TOPBP1: variants seen among roughly 807,000 people sequenced by gnomAD.
TOPBP1 encodes the protein DNA topoisomerase II binding protein 1, also known as DNA topoisomerase 2-binding protein 1.
Under a neutral mutation model 167.7 loss-of-function variants are expected in TOPBP1, and 28 were observed. That is an observed-to-expected ratio of 0.17 (90% CI 0.12 to 0.23). TOPBP1 has a LOEUF of 0.23. TOPBP1 is among the 10% of genes least tolerant of loss of function. The pLI is 1.00. For missense variants in TOPBP1, 1,554 were observed against 1,809.6 expected (o/e 0.86, Z 2.56); for synonymous variants, 598 against 611.4 (o/e 0.98, Z 0.32).
chr3:133,644,408 T>C (rs1350516976), intron 10 of TOPBP1, 45 bp from the exon 11 acceptor site: 3 of 1,455,132 alleles, frequency 2.1e-6, no homozygotes, highest in South Asian at 2.9e-5. Flanking sequence ...ATTTACCTTA[T>C]ACAGTTTACT....
Position 133,621,168 on chromosome 3 carries a change from C to T in TOPBP1, c.3179-821G>A, listed in dbSNP as rs541145763. Among the ~76,000 whole-genome samples, 14 of 152,180 alleles carry T rather than the reference C, an allele frequency of 9.2e-5. 1 individual carries two copies. Among genetic ancestry groups the T allele is most frequent in the Admixed American group, 2.0e-4 (3 of 15,290 alleles). ...CTGGCACTACAGGTGTACATTACCA[C>T]GCCCAGCTAATTTTTTAAATTTTTT... On this transcript the variant is annotated intron_variant, in intron 19 of 27. Coordinates refer to ENST00000260810, the MANE Select transcript of TOPBP1 (RefSeq NM_007027.4).
At chr3:133,646,314 A>T (rs1476621586) in intron 10 of TOPBP1, among the ~76,000 whole-genome samples, 1 of 152,134 alleles carries the variant, frequency 6.6e-6, no homozygotes, top group African/African-American at 2.4e-5. Context: ...TTAAGAAACT[A>T]ATCACCTGCC....
At position 133,638,443 on chromosome 3, in the gene TOPBP1, T is replaced by A. The variant is rs370808171; in HGVS notation, c.2234-281A>T. ...ACAAGCACATTAACTGAAAAAATAA[T>A]AATAGATTTCCTGTTTCATCTTGCT... On this transcript the variant is annotated intron_variant, in intron 13 of 27. Coordinates refer to ENST00000260810, the MANE Select transcript of TOPBP1 (RefSeq NM_007027.4). Among the ~76,000 whole-genome samples the A allele has an allele frequency of 5.4e-4, 82 of 152,312 alleles. 1 individual carries two copies. The highest frequency in any genetic ancestry group is 3.4e-3 in the Middle Eastern group (1 of 294).
At chr3:133,642,534 A>G (rs1935926809) in intron 12 of TOPBP1, among the ~76,000 whole-genome samples, 1 of 152,082 alleles carries the variant, frequency 6.6e-6, no homozygotes, top group Admixed American at 6.6e-5. Context: ...TGCTGTTTGC[A>G]TTTCCTATAA....
At chr3:133,658,381 T>G (rs1936557644) in intron 3 of TOPBP1, among the ~76,000 whole-genome samples, 2 of 151,500 alleles carry the variant, frequency 1.3e-5, no homozygotes. Context: ...GCAAGAGAAT[T>G]GCTTGAACCC....
At chr3:133,656,955 G>C (rs1458492542) in intron 4 of TOPBP1, 98 bp from the exon 5 acceptor site, 2 of 1,084,556 alleles carry the variant, frequency 1.8e-6, no homozygotes, top group African/African-American at 3.2e-5. Flanking sequence ...TTGACAGTTT[G>C]AATACATAAG....
chr3:133,607,920 T>C (rs1484455300), intron 27 of TOPBP1, among the ~76,000 whole-genome samples: 1 of 152,246 alleles, frequency 6.6e-6, no homozygotes, highest in East Asian at 1.9e-4. Context: ...AAGCTGACTT[T>C]GAGTGTTGGC....
At chr3:133,629,093 C>T (rs1483576879) in intron 14 of TOPBP1, among the ~76,000 whole-genome samples, 2 of 151,404 alleles carry the variant, frequency 1.3e-5, no homozygotes, top group Non-Finnish European at 2.9e-5. Context: ...AACAAATAAG[C>T]AACGACGGAT....
At chr3:133,660,206 T>C (rs1393343247) in intron 2 of TOPBP1, among the ~76,000 whole-genome samples, 1 of 152,204 alleles carries the variant, frequency 6.6e-6, no homozygotes, top group Admixed American at 6.5e-5. Context: ...TTTTTCTTCA[T>C]AAAGCCTACC....
Position 133,649,422 on chromosome 3 carries a change from C to A in TOPBP1, c.1465G>T (p.Asp489Tyr). 1 of 1,613,766 alleles carries A rather than the reference C, an allele frequency of 6.2e-7. No homozygotes were observed. Residue 489 changes from aspartate (D) to tyrosine (Y), a missense_variant, in exon 10 of 28, where the codon GAT (aspartate) becomes TAT (tyrosine). Transcript: ENST00000260810. ...PSEKHEQADE[D>Y]LLSQYENGSS... ...CCATTTTCATATTGAGAGAGCAGAT[C>A]TTCATCAGCTTGCTCATGCTTTTCA...
intron 27 of TOPBP1, 114 bp downstream of exon 27, chr3:133,608,421 C>T: frequency 1.7e-6 from 2 of 1,158,332 alleles, no homozygotes; most frequent in Non-Finnish European, 2.4e-6. Flanking sequence ...AAGAGAATAA[C>T]AGGAGACTAA....
chr3:133,651,541 A>G (rs1576312826), intron 8 of TOPBP1, among the ~76,000 whole-genome samples: 1 of 152,302 alleles, frequency 6.6e-6, no homozygotes, highest in Non-Finnish European at 1.5e-5. Flanking sequence ...CTACTCTGTG[A>G]AAATTAGTGC....
chr3:133,615,285 C>T (rs1934827925), intron 23 of TOPBP1, among the ~76,000 whole-genome samples: 1 of 152,100 alleles, frequency 6.6e-6, no homozygotes, highest in Non-Finnish European at 1.5e-5. Flanking sequence ...GCCTGGCCAA[C>T]ATGGTGAAAC....
At chr3:133,621,195 T>C (rs770161937) in intron 19 of TOPBP1, among the ~76,000 whole-genome samples, 16 of 152,088 alleles carry the variant, frequency 1.1e-4, no homozygotes, top group Non-Finnish European at 1.5e-4. Flanking sequence ...AAATTTTTTG[T>C]AGAGACAAGG....
chr3:133,651,496 T>A (rs1002823808), intron 8 of TOPBP1, among the ~76,000 whole-genome samples: 3 of 152,238 alleles, frequency 2.0e-5, no homozygotes, highest in Admixed American at 1.3e-4. Flanking sequence ...AGCTCCAATT[T>A]CCCTTCTTAA....
chr3:133,627,947 A>G (rs1375964485), intron 16 of TOPBP1, among the ~76,000 whole-genome samples: 2 of 152,186 alleles, frequency 1.3e-5, no homozygotes, highest in African/African-American at 4.8e-5. Context: ...CAGAGTACTT[A>G]GTACTACTCC....
chr3:133,621,458 T>TA (rs1009068207), intron 19 of TOPBP1, among the ~76,000 whole-genome samples: 6 of 152,012 alleles, frequency 3.9e-5, no homozygotes, highest in Non-Finnish European at 5.9e-5. Context: ...AAAGTACCAG[T>TA]AAAAAAAATA....
chr3:133,626,440 C>T (rs1559816321), intron 16 of TOPBP1, among the ~76,000 whole-genome samples: 1 of 152,122 alleles, frequency 6.6e-6, no homozygotes, highest in Admixed American at 6.5e-5. Flanking sequence ...TCATATCTTG[C>T]ATGATATTCT....
In TOPBP1 at chr3:133,656,764, T is replaced by G; in HGVS notation, c.457A>C (p.Ser153Arg). The change falls in exon 5 of 28, where the codon AGC (serine) becomes CGC (arginine). Residue 153 changes from serine (S) to arginine (R), a missense_variant. Ser to Arg is a moderately radical substitution (Grantham distance 110). This residue lies in a region of TOPBP1 where 1,197 missense variants were observed against 1,351.5 expected (regional missense o/e 0.89). Transcript: ENST00000260810. ...VTHLIAGEVG[S>R]KKYLVAANLK... ...TTTGCAGCAACTAAATATTTTTTGCTACCAACTTCTCCTGCAATAAGGTGA... is the reference window on the plus strand; with the variant it reads ...TTTGCAGCAACTAAATATTTTTTGCGACCAACTTCTCCTGCAATAAGGTGA... 6.2e-7 allele frequency: 1 copy of G among 1,612,916 alleles called. No homozygotes were observed. Among genetic ancestry groups the G allele is most frequent in the Non-Finnish European group, 8.5e-7 (1 of 1,179,506 alleles).
Sources: gnomAD v4.1 joint callset for allele counts (sites outside exome capture counted in the v4.1 genomes callset) on GRCh38, gnomAD v4.1.1 for gene constraint, gnomAD v4.1.1 regional missense constraint, MANE v1.5 for transcripts, NCBI Gene and HGNC (gene_info 2026-07-23, HGNC 2026-07-21) for gene names.